The following MLH3 variants were observed in gnomAD, a reference collection of about 807,000 sequenced individuals.
MLH3 encodes DNA mismatch repair protein Mlh3.
MLH3 carries 82 observed loss-of-function variants against 122.2 expected under a neutral mutation model. The observed-to-expected ratio is 0.67, with a 90% CI of 0.56 to 0.81. MLH3 has a LOEUF of 0.81. Ranked by LOEUF, MLH3 falls within the 30% of genes least tolerant of loss-of-function variation. The pLI is 0.00. For missense variants in MLH3, 1,539 were observed against 1,714.5 expected (o/e 0.90, Z 1.81); for synonymous variants, 524 against 599.5 (o/e 0.87, Z 1.84).
chr14:75,039,943 G>A lies in MLH3; in HGVS notation c.3538C>T (p.Arg1180Cys), dbSNP rs761024324. The A allele has an allele frequency of 4.4e-6, 7 of 1,576,054 alleles. No homozygotes were observed. Among genetic ancestry groups the A allele is most frequent in the South Asian group, 2.2e-5 (2 of 90,416 alleles). The change falls in exon 5 of 13, where the codon CGT becomes TGT. Residue 1180 changes from arginine to cysteine, a missense_variant. Physicochemically the swap from Arg to Cys is radical, Grantham distance 180. Coordinates refer to ENST00000355774, the MANE Select transcript of MLH3 (RefSeq NM_001040108.2). ...GAATGAATCATTCCTTTGGTGAAACGATAGGGATACAAGATGTTGTGAATT... is the reference window on the plus strand; with the variant it reads ...GAATGAATCATTCCTTTGGTGAAACAATAGGGATACAAGATGTTGTGAATT... The part of the protein sequence containing the change: ...VKIHNILYPY[R>C]FTKGMIHSMQ...
rs1184776172 is a variant in MLH3, at chr14:75,046,893, C to T, written c.2763G>A (p.Met921Ile). The T allele has an allele frequency of 1.9e-6, 3 of 1,607,080 alleles. No individual in the cohort carries two copies. The African/African-American group carries it at 4.0e-5, about 22-fold the overall frequency. The change falls in exon 2 of 13, where the codon ATG becomes ATA. Residue 921 changes from methionine to isoleucine, a missense_variant. Met to Ile is a conservative substitution (Grantham distance 10). Transcript: ENST00000355774. Reference protein sequence around the residue: ...LCSVLTQDFCMLFNNKHEKTE... With the variant: ...LCSVLTQDFCILFNNKHEKTE... Reference sequence around the variant, plus strand: ...TTTTTTCATGCTTGTTGTTAAATAACATACAAAAATCTTGTGTTAACACAC... The same window carrying T: ...TTTTTTCATGCTTGTTGTTAAATAATATACAAAAATCTTGTGTTAACACAC...
chr14:75,046,169 G>A (rs986130862), intron 2 of MLH3, among the ~76,000 whole-genome samples: 26 of 133,114 alleles, frequency 2.0e-4, no homozygotes, highest in Admixed American at 1.6e-3. Context: ...GACAGAGCAA[G>A]ACTCCGTCTC....
chr14:75,028,015 T>A (rs1313734084), intron 9 of MLH3, among the ~76,000 whole-genome samples: 16 of 131,702 alleles, frequency 1.2e-4, no homozygotes, highest in African/African-American at 1.4e-4. Flanking sequence ...TCTAAACGAG[T>A]AGAGCAAAAA....
chr14:75,040,374 C>T (rs1363757047), intron 4 of MLH3, among the ~76,000 whole-genome samples: 5 of 136,612 alleles, frequency 3.7e-5, no homozygotes, highest in Admixed American at 2.3e-4. Flanking sequence ...GGTGTGAACC[C>T]GGGAGGCGGA....
intron 4 of MLH3, 60 bp downstream of exon 4, chr14:75,041,555 T>TA (rs1176676644): frequency 7.3e-7 from 1 of 1,363,512 alleles, no homozygotes; most frequent in East Asian, 2.3e-5. Flanking sequence ...TCTCAAAATT[T>TA]AAAAAATAAG....
intron 1 of MLH3, chr14:75,050,821 A>C (rs2139624437): frequency 6.6e-6 from 1 of 152,408 alleles, no homozygotes; most frequent in Non-Finnish European, 1.5e-5. Context: ...TGAAAACACA[A>C]AAACAAAAAA....
chr14:75,033,328 T>C (rs1891173862), intron 7 of MLH3, 91 bp downstream of exon 7: 6 of 993,150 alleles, frequency 6.0e-6, no homozygotes, highest in Non-Finnish European at 9.6e-6. Flanking sequence ...AAGTGTGCTT[T>C]CTCACAACAG....
In MLH3 at chr14:75,022,789, A is replaced by T. The variant is rs758942888; in HGVS notation, c.4090+25T>A. 1.7e-5 allele frequency: 27 copies of T among 1,609,654 alleles called. No homozygotes were observed. In the Admixed American group the frequency reaches 4.5e-4, roughly 27 times the overall value. On this transcript the variant is annotated intron_variant, in intron 11 of 12. Coordinates refer to ENST00000355774, the MANE Select transcript of MLH3 (RefSeq NM_001040108.2). ...AGGGCTCTGCATGCAGAGGTGTTTG[A>T]TCACTGCTATGTTGAAGGGCTTACC...
rs1175420405 is a variant in MLH3 at position 75,025,976 on chromosome 14, T to C, written c.3988-2958A>G. ...CTCACCAAGTCCTCTTGCTTCTGCC[T>C]CCCAAATTCTGTCTCAGATATGTCA... On this transcript the variant is annotated intron_variant, in intron 9 of 12. Coordinates refer to ENST00000355774, the MANE Select transcript of MLH3 (RefSeq NM_001040108.2). 4.2e-4 allele frequency among the ~76,000 whole-genome samples: 64 copies of C among 152,248 alleles called. 1 individual carries two copies. Among genetic ancestry groups the C allele is most frequent in the Non-Finnish European group, 1.6e-4 (11 of 68,018 alleles).
chr14:75,044,143 A>C (rs1418678187), intron 2 of MLH3, among the ~76,000 whole-genome samples: 1 of 152,204 alleles, frequency 6.6e-6, no homozygotes, highest in Non-Finnish European at 1.5e-5. Flanking sequence ...TTTTATGTAA[A>C]GTTTGACAAT....
At chr14:75,020,112 A>G (rs539630760) in intron 11 of MLH3, among the ~76,000 whole-genome samples, 1 of 152,320 alleles carries the variant, frequency 6.6e-6, no homozygotes, top group Non-Finnish European at 1.5e-5. Flanking sequence ...GTAGAGGAGA[A>G]GGCCAGTGCA....
rs1192941281 is a variant in MLH3 at position 75,046,694 on chromosome 14, T to C, written c.2962A>G (p.Ile988Val). Reference sequence around the variant, plus strand: ...CCTATCTGTTGTTCTGAGGCTCTGATAAGAACATCTGAATCTTTACCGGTA... The same window carrying C: ...CCTATCTGTTGTTCTGAGGCTCTGACAAGAACATCTGAATCTTTACCGGTA... ...KVTGKDSDVL[I>V]RASEQQIGSL... The change falls in exon 2 of 13, where the codon ATC becomes GTC. Residue 988 changes from isoleucine to valine, a missense_variant. Physicochemically the swap from Ile to Val is conservative, Grantham distance 29. Transcript: ENST00000355774. 1.9e-6 allele frequency: 3 copies of C among 1,614,246 alleles called. No homozygotes were observed. The highest frequency in any genetic ancestry group is 2.5e-6 in the Non-Finnish European group (3 of 1,180,036).
rs1356513566 is a variant in MLH3 at position 75,046,565 on chromosome 14, A to C, written c.3091T>G (p.Cys1031Gly). Residue 1031 changes from cysteine (C) to glycine (G), a missense_variant, in exon 2 of 13, where the codon TGT becomes GGT. Transcript: ENST00000355774. ...GTGTTTGACTCTTCAGTTTCAGAAC[A>C]AGCTCTTGCTTTAGATTCCTCACTC... ...FQSEESKARA[C>G]SETEESNTCC... 6.2e-7 allele frequency: 1 copy of C among 1,614,206 alleles called. No homozygotes were observed. The highest frequency in any genetic ancestry group is 8.5e-7 in the Non-Finnish European group (1 of 1,180,036).
rs535045887 is a variant in MLH3 at position 75,044,875 on chromosome 14, A to G, written c.3280+1501T>C. 2.0e-5 allele frequency among the ~76,000 whole-genome samples: 3 copies of G among 152,322 alleles called. No individual in the cohort carries two copies. In the East Asian group the frequency reaches 5.8e-4, roughly 29 times the overall value. On this transcript the variant is annotated intron_variant, in intron 2 of 12. Transcript: ENST00000355774. ...AAATACGGATACAGATGTAATGTTT[A>G]TCCTCCTAGTGCAAAGCCAAGATTA...
At chr14:75,049,787 A>T (rs1405865705) in intron 1 of MLH3, 69 bp from the exon 2 acceptor site, 2 of 935,070 alleles carry the variant, frequency 2.1e-6, no homozygotes, top group East Asian at 5.2e-5. Flanking sequence ...ATGAAGAAAT[A>T]GCACTTGAGG....
At chr14:75,036,357 TA>T (rs201760755) in intron 6 of MLH3, among the ~76,000 whole-genome samples, 306 of 150,898 alleles carry the variant, frequency 2.0e-3, no homozygotes, top group African/African-American at 6.4e-3. Flanking sequence ...CTTTTTATTT[TA>T]TTTTTTTGAC....
chr14:75,017,389 A>C (rs1407775972), intron 12 of MLH3, among the ~76,000 whole-genome samples, 188 bp from the exon 13 acceptor site: 1 of 152,136 alleles, frequency 6.6e-6, no homozygotes. Flanking sequence ...ATACAAAAAA[A>C]AATTAGCCGG....
In MLH3 at chr14:75,015,896, A is replaced by C. The variant is rs1036704003; in HGVS notation, c.*1186T>G. 4.3e-6 allele frequency: 1 copy of C among 230,588 alleles called. No homozygotes were observed. The highest frequency in any genetic ancestry group is 8.6e-6 in the Non-Finnish European group (1 of 116,496). 14.3% of individuals were successfully genotyped at this position (230,588 alleles called of 1,614,324 possible). ...AAAAATGAGGAAAATCATTCAATTG[A>C]TATAAAAGCCACTTTGAGCAGGCTG... is the stretch of plus-strand genomic sequence containing the variant. On this transcript the variant is annotated 3_prime_UTR_variant, in exon 13 of 13. Coordinates refer to ENST00000355774, the MANE Select transcript of MLH3 (RefSeq NM_001040108.2).
At chr14:75,023,612 T>C (rs565058453) in intron 9 of MLH3, among the ~76,000 whole-genome samples, 44 of 152,318 alleles carry the variant, frequency 2.9e-4, no homozygotes, top group African/African-American at 1.1e-3. Flanking sequence ...GGGGTAACCT[T>C]TTCAATAGTT....
Sources: gnomAD v4.1 joint callset for allele counts (sites outside exome capture counted in the v4.1 genomes callset) on GRCh38, gnomAD v4.1.1 for gene constraint, MANE v1.5 for transcripts, NCBI Gene and HGNC (gene_info 2026-07-23, HGNC 2026-07-21) for gene names.